MTREX: variants seen among roughly 807,000 people sequenced by gnomAD.
MTREX encodes Mtr4 exosome RNA helicase, also known as exosome RNA helicase MTR4.
In MTREX, 76 loss-of-function variants were observed where a neutral mutation model predicts 135.4. The ratio of observed to expected loss-of-function variants is 0.56; its 90% CI spans 0.47 to 0.68. MTREX has a LOEUF of 0.68. MTREX is among the 30% of genes least tolerant of loss of function. The pLI is 0.00. For missense variants in MTREX, 920 were observed against 1,262.1 expected, an observed-to-expected ratio of 0.73 and a Z score of 4.11; for synonymous variants, 404 against 401.6, an observed-to-expected ratio of 1.01 and a Z score of -0.07.
intron 25 of MTREX, among the ~76,000 whole-genome samples, chr5:55,417,893 T>TTTTTTTTA (rs1190612983): frequency 4.6e-5 from 7 of 151,812 alleles, no homozygotes; most frequent in African/African-American, 1.4e-4. Context: ...AGAGAGTAGC[T>TTTTTTTTA]TTTTTTTATT....
At chr5:55,324,424 C>A (rs1579849100) in intron 3 of MTREX, 55 of 16,252 alleles carry the variant, frequency 3.4e-3, no homozygotes, top group East Asian at 9.6e-3. Context: ...CTTATTTTAA[C>A]TTTTTTTTTT....
At chr5:55,376,145 TG>T (rs1475925194) in intron 16 of MTREX, among the ~76,000 whole-genome samples, 8 of 152,198 alleles carry the variant, frequency 5.3e-5, no homozygotes, top group Non-Finnish European at 8.8e-5. Flanking sequence ...CTAGGCACAA[TG>T]GATAAGTGAG....
intron 18 of MTREX, among the ~76,000 whole-genome samples, chr5:55,379,573 GAC>G (rs60169736): frequency 0.026 from 3,794 of 143,720 alleles, 147 homozygotes; most frequent in East Asian, 0.22. Flanking sequence ...AAATCTCCCT[GAC>G]ACACACACAC....
At chr5:55,422,739 C>G in intron 25 of MTREX, 139 bp from the exon 26 acceptor site, 1 of 645,472 alleles carries the variant, frequency 1.5e-6, no homozygotes, top group Non-Finnish European at 2.7e-6. Context: ...TTCTCCAGTA[C>G]CTAACCATGA....
intron 4 of MTREX, among the ~76,000 whole-genome samples, chr5:55,328,133 C>T (rs956715705): frequency 2.0e-5 from 3 of 151,816 alleles, no homozygotes; most frequent in South Asian, 4.1e-4. Context: ...TTTTTTTAGA[C>T]GGATTTGGAA....
intron 1 of MTREX, among the ~76,000 whole-genome samples, chr5:55,308,728 AT>A (rs1489799061): frequency 1.3e-5 from 2 of 152,190 alleles, no homozygotes; most frequent in African/African-American, 4.8e-5. Flanking sequence ...TTGAGAAAAA[AT>A]TTAAAAATTA....
At chr5:55,348,118 T>G (rs888263989) in intron 11 of MTREX, among the ~76,000 whole-genome samples, 1 of 152,106 alleles carries the variant, frequency 6.6e-6, no homozygotes. Context: ...AGAAATTTAT[T>G]TCTTATAGTT....
intron 5 of MTREX, among the ~76,000 whole-genome samples, chr5:55,337,847 C>G (rs1355978298): frequency 6.6e-6 from 1 of 151,176 alleles, no homozygotes; most frequent in Non-Finnish European, 1.5e-5. Flanking sequence ...TAACAAATAT[C>G]TTTTAGTGTA....
At chr5:55,331,649 A>G (rs6450302) in intron 5 of MTREX, among the ~76,000 whole-genome samples, 151,776 of 152,330 alleles carry the variant, frequency 1, 75,616 homozygotes, top group Middle Eastern at 1. Flanking sequence ...GATTTTCAGA[A>G]CCTTCTCTTT....
intron 19 of MTREX, among the ~76,000 whole-genome samples, chr5:55,393,040 T>TC (rs1750595194): frequency 2.0e-5 from 3 of 152,192 alleles, no homozygotes; most frequent in African/African-American, 7.2e-5. Context: ...AAATAGGCCT[T>TC]CAAAGAGGTT....
Position 55,327,748 on chromosome 5 carries a change from AC to A in MTREX, c.373del (p.Lys126AsnfsTer33). 6.2e-7 allele frequency: 1 copy of A among 1,613,410 alleles called. No homozygotes were observed. ...TTCCTGCAGAAGAGGATTATTTACC[AC>A]TTAAACCACGAGTTGGAAAAGCTGC... ...ALPAEEDYLP[L>X]KPRVGKAAKE... On this transcript the variant is annotated frameshift_variant, in exon 4 of 27. Transcript: ENST00000230640. LOFTEE classifies it high-confidence loss of function.
At chr5:55,385,873 C>T (rs1168841064) in intron 18 of MTREX, among the ~76,000 whole-genome samples, 2 of 152,106 alleles carry the variant, frequency 1.3e-5, no homozygotes. Flanking sequence ...CTGTGACTGC[C>T]TAACTATAAA....
At chr5:55,403,218 A>G (rs1184216913) in intron 21 of MTREX, among the ~76,000 whole-genome samples, 1 of 151,870 alleles carries the variant, frequency 6.6e-6, no homozygotes, top group African/African-American at 2.4e-5. Flanking sequence ...AAAAACAAAA[A>G]CAAAAAAAAA....
chr5:55,344,834 C>T (rs1049986741), intron 9 of MTREX, among the ~76,000 whole-genome samples: 8 of 152,124 alleles, frequency 5.3e-5, no homozygotes, highest in African/African-American at 1.9e-4. Context: ...TCAGATTTCC[C>T]TCCTTTCCCA....
intron 5 of MTREX, among the ~76,000 whole-genome samples, chr5:55,337,572 T>C (rs1014721904): frequency 6.6e-6 from 1 of 152,210 alleles, no homozygotes; most frequent in African/African-American, 2.4e-5. Context: ...TTCATTTTCA[T>C]TTAATCCACT....
At chr5:55,344,655 G>GT in intron 9 of MTREX, 35 bp downstream of exon 9, 1 of 1,213,932 alleles carries the variant, frequency 8.2e-7, no homozygotes, top group Non-Finnish European at 1.2e-6. Flanking sequence ...AATCTATAAT[G>GT]TCATACTTTA....
At chr5:55,406,882 A>G (rs1750816706) in intron 22 of MTREX, among the ~76,000 whole-genome samples, 1 of 152,172 alleles carries the variant, frequency 6.6e-6, no homozygotes, top group African/African-American at 2.4e-5. Context: ...AATTTATGAT[A>G]CTGTTCTAAA....
chr5:55,384,891 C>T (rs1332929464), intron 18 of MTREX, among the ~76,000 whole-genome samples: 2 of 152,114 alleles, frequency 1.3e-5, no homozygotes, highest in Non-Finnish European at 2.9e-5. Context: ...CAGGAGGGCT[C>T]CTCCCACTAT....
At chr5:55,383,006 C>T (rs1010121237) in intron 18 of MTREX, among the ~76,000 whole-genome samples, 1 of 152,040 alleles carries the variant, frequency 6.6e-6, no homozygotes, top group Non-Finnish European at 1.5e-5. Context: ...TTATATTAAC[C>T]TTCTTATTTA....
Sources: allele counts gnomAD v4.1 joint callset (sites outside exome capture counted in the v4.1 genomes callset), GRCh38; gene constraint gnomAD v4.1.1; transcripts MANE v1.5; gene names NCBI Gene and HGNC (gene_info 2026-07-23, HGNC 2026-07-21).